PTPN11: variants seen among roughly 807,000 people sequenced by gnomAD.
PTPN11 encodes the protein tyrosine-protein phosphatase non-receptor type 11.
A neutral mutation model predicts 78.8 loss-of-function variants in PTPN11; 6 were observed. The ratio of observed to expected loss-of-function variants is 0.08; its 90% CI spans 0.04 to 0.15. PTPN11 has a LOEUF of 0.15. PTPN11 is among the 10% of genes least tolerant of loss of function. PTPN11 has a pLI of 1.00. For missense variants in PTPN11, 386 were observed against 744.8 expected, an observed-to-expected ratio of 0.52 and a Z score of 5.61; for synonymous variants, 221 against 263.5, an observed-to-expected ratio of 0.84 and a Z score of 1.56.
intron 1 of PTPN11, among the ~76,000 whole-genome samples, chr12:112,436,272 TATTC>T (rs2037788875): frequency 6.6e-6 from 1 of 152,244 alleles, no homozygotes; most frequent in Non-Finnish European, 1.5e-5. Flanking sequence ...TTGTTTTATG[TATTC>T]ATTAAGGTAA....
chr12:112,483,986 C>T (rs960399696), intron 10 of PTPN11, among the ~76,000 whole-genome samples: 3 of 151,350 alleles, frequency 2.0e-5, no homozygotes, highest in African/African-American at 7.3e-5. Context: ...AGGTGGGATG[C>T]GGAGGGGAGG....
rs952059247 is a variant in PTPN11 at position 112,489,192 on chromosome 12, T to A, written c.1599+17T>A. ...GAAGAGCAGGTACCAGCCTGAGGGC[T>A]GGCATGCGGATTCTCATTCTCTTGC... On this transcript the variant is annotated intron_variant, in intron 13 of 15. Transcript: ENST00000351677. The A allele has an allele frequency of 6.2e-6, 10 of 1,614,082 alleles. No homozygotes were observed. The highest frequency in any genetic ancestry group is 8.5e-6 in the Non-Finnish European group (10 of 1,179,928).
At chr12:112,432,981 T>A (rs990704693) in intron 1 of PTPN11, among the ~76,000 whole-genome samples, 3 of 151,968 alleles carry the variant, frequency 2.0e-5, no homozygotes, top group Admixed American at 2.0e-4. Flanking sequence ...CTGCCTCAGC[T>A]TCCTGAGTAG....
At chr12:112,471,877 C>T (rs1016958178) in intron 6 of PTPN11, among the ~76,000 whole-genome samples, 57 of 152,032 alleles carry the variant, frequency 3.7e-4, no homozygotes, top group African/African-American at 1.2e-3. Context: ...CTCAGCCTCC[C>T]GAGTATCTGG....
chr12:112,489,265 A>T, intron 13 of PTPN11, 90 bp downstream of exon 13: 3 of 1,467,124 alleles, frequency 2.0e-6, no homozygotes, highest in Non-Finnish European at 2.9e-6. Context: ...ACAGGCTCTG[A>T]TAGACAACTG....
chr12:112,485,696 G>A lies in PTPN11; in HGVS notation c.1225-779G>A, dbSNP rs1411648802. 9.9e-5 allele frequency among the ~76,000 whole-genome samples: 15 copies of A among 152,120 alleles called. 1 individual carries two copies. Among genetic ancestry groups the A allele is most frequent in the Admixed American group, 9.8e-4 (15 of 15,268 alleles). On this transcript the variant is annotated intron_variant, in intron 10 of 15. Coordinates refer to ENST00000351677, the MANE Select transcript of PTPN11 (RefSeq NM_002834.5). Reference sequence around the variant, plus strand: ...ATAAGTTTAAAATAGAACAATACTGGCCAGGCTGGGTGGCTCACGCCTGTA... The same window carrying A: ...ATAAGTTTAAAATAGAACAATACTGACCAGGCTGGGTGGCTCACGCCTGTA...
At chr12:112,460,673 C>A (rs1490293733) in intron 6 of PTPN11, among the ~76,000 whole-genome samples, 1 of 151,988 alleles carries the variant, frequency 6.6e-6, no homozygotes, top group Non-Finnish European at 1.5e-5. Context: ...GAAACCCGGT[C>A]TCTACTAAAA....
chr12:112,502,337 A>G (rs752345192), intron 14 of PTPN11, 81 bp downstream of exon 14: 49 of 1,162,914 alleles, frequency 4.2e-5, no homozygotes, highest in Non-Finnish European at 5.6e-5. Flanking sequence ...AAAACAAAAC[A>G]CAAGTTTGTA....
chr12:112,490,884 G>T (rs2038737631), intron 13 of PTPN11, among the ~76,000 whole-genome samples: 1 of 152,202 alleles, frequency 6.6e-6, no homozygotes. Flanking sequence ...AAAGTAAGAA[G>T]TACTTAATTT....
intron 7 of PTPN11, among the ~76,000 whole-genome samples, chr12:112,475,741 A>T (rs1165162638): frequency 3.3e-5 from 5 of 152,170 alleles, no homozygotes; most frequent in Non-Finnish European, 7.4e-5. Flanking sequence ...GTGTGTGTCT[A>T]TGCATGAAAC....
chr12:112,474,391 A>T (rs1294749256), intron 7 of PTPN11, among the ~76,000 whole-genome samples: 1 of 151,876 alleles, frequency 6.6e-6, no homozygotes, highest in African/African-American at 2.4e-5. Context: ...AAAAATAATA[A>T]AATTTTTTCT....
In PTPN11 at chr12:112,506,718, CAT is replaced by C. The variant is rs1288443516; in HGVS notation, c.*927_*928del. The C allele has an allele frequency of 1.3e-5, 2 of 152,484 alleles. No homozygotes were observed. The highest frequency in any genetic ancestry group is 6.5e-5 in the Admixed American group (1 of 15,268). The allele number at this position is 152,484 out of a possible 1,614,324, so 9.4% of individuals were successfully genotyped here. On this transcript the variant is annotated 3_prime_UTR_variant, in exon 16 of 16. Coordinates refer to ENST00000351677, the MANE Select transcript of PTPN11 (RefSeq NM_002834.5). ...TTCTGCCAGCCTGCAGGTGGCCACT[CAT>C]GTGGTCAGCAGGTCGGCGGAGAGAC...
chr12:112,458,312 GCCAT>G (rs2038195019), intron 6 of PTPN11, among the ~76,000 whole-genome samples: 1 of 152,188 alleles, frequency 6.6e-6, no homozygotes, highest in African/African-American at 2.4e-5. Context: ...CTGGGCTCAC[GCCAT>G]CCTCCCACCT....
intron 13 of PTPN11, among the ~76,000 whole-genome samples, chr12:112,499,151 T>C (rs1171664524): frequency 6.6e-6 from 1 of 152,154 alleles, no homozygotes; most frequent in Non-Finnish European, 1.5e-5. Context: ...TTAACAATAC[T>C]GCACATCTAA....
intron 1 of PTPN11, among the ~76,000 whole-genome samples, chr12:112,441,574 T>G (rs550381572): frequency 1.3e-5 from 2 of 152,210 alleles, no homozygotes; most frequent in East Asian, 3.9e-4. Flanking sequence ...CCTTCACTGT[T>G]GTAAGATACT....
At chr12:112,434,665 T>C (rs2037762547) in intron 1 of PTPN11, among the ~76,000 whole-genome samples, 1 of 151,960 alleles carries the variant, frequency 6.6e-6, no homozygotes, top group East Asian at 1.9e-4. Context: ...AATCAGGGTG[T>C]AAAACAAGAG....
intron 6 of PTPN11, among the ~76,000 whole-genome samples, chr12:112,464,723 C>T (rs1037729214): frequency 2.1e-4 from 32 of 151,022 alleles, no homozygotes; most frequent in African/African-American, 7.6e-4. Context: ...CTGTGCCTGG[C>T]CAGTTATTAA....
At chr12:112,432,312 C>T (rs1051462615) in intron 1 of PTPN11, among the ~76,000 whole-genome samples, 1 of 152,058 alleles carries the variant, frequency 6.6e-6, no homozygotes, top group African/African-American at 2.4e-5. Flanking sequence ...TATATATAGT[C>T]ATTTGCCACA....
intron 10 of PTPN11, among the ~76,000 whole-genome samples, chr12:112,483,690 CA>C (rs2038631774): frequency 1.3e-5 from 2 of 152,032 alleles, no homozygotes; most frequent in Non-Finnish European, 2.9e-5. Flanking sequence ...GTGCAGCCGT[CA>C]GAGTAAAAAA....
Sources: gnomAD v4.1 joint callset for allele counts (sites outside exome capture counted in the v4.1 genomes callset) on GRCh38, gnomAD v4.1.1 for gene constraint, MANE v1.5 for transcripts, NCBI Gene and HGNC (gene_info 2026-07-23, HGNC 2026-07-21) for gene names.